The following BFSP2 variants were observed in gnomAD, a reference collection of about 807,000 sequenced individuals.
BFSP2 encodes the protein beaded filament structural protein 2.
Under a neutral mutation model 44.9 loss-of-function variants are expected in BFSP2, and 38 were observed. That is an observed-to-expected ratio of 0.85 (90% CI 0.65 to 1.11). The LOEUF (loss-of-function observed/expected upper bound fraction) is 1.11, where lower values mean the gene tolerates loss of function less well. Ranked by LOEUF, BFSP2 falls within the 50% of genes least tolerant of loss-of-function variation. The pLI is 0.00. For synonymous variants in BFSP2, 197 were observed against 209.9 expected (o/e 0.94, Z 0.53); for missense variants, 525 against 533.0 (o/e 0.99, Z 0.15).
chr3:133,440,255 C>T (rs989132952), intron 1 of BFSP2, among the ~76,000 whole-genome samples: 1 of 152,030 alleles, frequency 6.6e-6, no homozygotes, highest in South Asian at 2.1e-4. Flanking sequence ...TATCTCCCAC[C>T]AGGTCCCTCC....
intron 6 of BFSP2, among the ~76,000 whole-genome samples, chr3:133,473,875 T>TA (rs551752901): frequency 1.7e-4 from 26 of 152,328 alleles, no homozygotes; most frequent in African/African-American, 6.3e-4. Flanking sequence ...TCCTCTCCTT[T>TA]AATCAGTGAA....
chr3:133,441,420 T>A (rs1275753779), intron 1 of BFSP2, among the ~76,000 whole-genome samples: 1 of 152,182 alleles, frequency 6.6e-6, no homozygotes, highest in African/African-American at 2.4e-5. Context: ...GTAACAACTA[T>A]CAGGTTAAAC....
At chr3:133,441,061 G>A (rs531791600) in intron 1 of BFSP2, among the ~76,000 whole-genome samples, 1 of 133,026 alleles carries the variant, frequency 7.5e-6, no homozygotes, top group South Asian at 2.3e-4. Context: ...TTTTTTTTGA[G>A]GGAGTTTTGC....
chr3:133,425,288 T>G (rs1299068225), intron 1 of BFSP2, among the ~76,000 whole-genome samples: 3 of 152,210 alleles, frequency 2.0e-5, no homozygotes, highest in African/African-American at 7.2e-5. Context: ...GGATGAAGTG[T>G]AAACAAATCC....
At chr3:133,411,180 GAAA>G (rs10599643) in intron 1 of BFSP2, among the ~76,000 whole-genome samples, 14,908 of 129,484 alleles carry the variant, frequency 0.12, 834 homozygotes, top group Admixed American at 0.15. Context: ...GTATAACACC[GAAA>G]AAAAAAAAAA....
At chr3:133,460,426 A>T (rs1241747033) in intron 4 of BFSP2, among the ~76,000 whole-genome samples, 1 of 152,126 alleles carries the variant, frequency 6.6e-6, no homozygotes, top group Non-Finnish European at 1.5e-5. Context: ...TTTGGTTTTT[A>T]AAAGATTTTT....
At chr3:133,421,186 A>G (rs1009512868) in intron 1 of BFSP2, among the ~76,000 whole-genome samples, 1 of 152,230 alleles carries the variant, frequency 6.6e-6, no homozygotes. Context: ...TGGTTAAATC[A>G]ACAAATGGAA....
Position 133,425,846 on chromosome 3 carries a change from A to C in BFSP2, c.490-21471A>C, listed in dbSNP as rs549213016. Among the ~76,000 whole-genome samples the C allele has an allele frequency of 1.5e-3, 183 of 125,184 alleles. 1 individual carries two copies. Among genetic ancestry groups the C allele is most frequent in the African/African-American group, 5.5e-3 (168 of 30,322 alleles). 82.1% of individuals were successfully genotyped at this position (125,184 alleles called of 152,430 possible). On this transcript the variant is annotated intron_variant, in intron 1 of 6. Coordinates refer to ENST00000302334, the MANE Select transcript of BFSP2 (RefSeq NM_003571.4). ...ATAAAGAAGGGAAGGGAAATAAAGA[A>C]GGGAAAGGAAGGGAAGGGAAGGGAA...
rs761720118 is a variant in BFSP2 at position 133,448,518 on chromosome 3, C to A, written c.602C>A (p.Ala201Glu). 1.2e-6 allele frequency: 2 copies of A among 1,613,916 alleles called. No individual in the cohort carries two copies. Among genetic ancestry groups the A allele is most frequent in the Non-Finnish European group, 1.7e-6 (2 of 1,179,954 alleles). The change falls in exon 3 of 7, where the codon GCG becomes GAG. Residue 201 changes from alanine to glutamate, a missense_variant. Coordinates refer to ENST00000302334, the MANE Select transcript of BFSP2 (RefSeq NM_003571.4). The stretch of plus-strand genomic sequence containing the variant: ...GAAAATGAGCAGCCATTTCGAAAGG[C>A]GGCAGAAGAGGAAATTAACTCTCTG... Reference protein sequence around the residue: ...RYENEQPFRKAAEEEINSLYK... With the variant: ...RYENEQPFRKEAEEEINSLYK...
At chr3:133,403,566 C>T (rs532210318) in intron 1 of BFSP2, among the ~76,000 whole-genome samples, 10 of 152,328 alleles carry the variant, frequency 6.6e-5, no homozygotes, top group South Asian at 4.1e-4. Flanking sequence ...CTCAATAGCA[C>T]GGTGGGGATG....
intron 1 of BFSP2, chr3:133,412,331 AATG>A (rs757817831): frequency 1.3e-5 from 2 of 152,374 alleles, no homozygotes; most frequent in East Asian, 1.9e-4. Context: ...ATGTAAATGA[AATG>A]ATGTGTGTAA....
intron 4 of BFSP2, among the ~76,000 whole-genome samples, chr3:133,458,311 A>G (rs1416934204): frequency 6.6e-6 from 1 of 152,226 alleles, no homozygotes; most frequent in Non-Finnish European, 1.5e-5. Flanking sequence ...GAAAATCAAG[A>G]ATCAGAGCAG....
At chr3:133,424,669 T>G (rs76784835) in intron 1 of BFSP2, among the ~76,000 whole-genome samples, 5,394 of 152,326 alleles carry the variant, frequency 0.035, 308 homozygotes, top group African/African-American at 0.12. Flanking sequence ...AGAGTCTCAC[T>G]CTGTCACCCA....
At chr3:133,452,370 C>T (rs1000737501) in intron 4 of BFSP2, among the ~76,000 whole-genome samples, 4 of 152,182 alleles carry the variant, frequency 2.6e-5, no homozygotes, top group African/African-American at 7.2e-5. Context: ...AGCTTCCTTT[C>T]TTTCTAACCA....
At chr3:133,442,119 G>A (rs1419990883) in intron 1 of BFSP2, among the ~76,000 whole-genome samples, 4 of 152,162 alleles carry the variant, frequency 2.6e-5, no homozygotes, top group Admixed American at 6.5e-5. Flanking sequence ...CTTCTATAGA[G>A]TTTTGTTTTG....
At chr3:133,424,215 T>TG (rs879693047) in intron 1 of BFSP2, among the ~76,000 whole-genome samples, 3,196 of 79,624 alleles carry the variant, frequency 0.04, 89 homozygotes, top group Non-Finnish European at 0.046. Flanking sequence ...CCAGCTAATT[T>TG]TTTTTTTTTT....
rs1258275212 is a variant in BFSP2 at position 133,429,855 on chromosome 3, T to G, written c.490-17462T>G. ...GTGCCATGTTGGTGTGCTGCACCCA[T>G]TAACTCGTCATTTAGCATTAGGTAT... On this transcript the variant is annotated intron_variant, in intron 1 of 6. Transcript: ENST00000302334. 2.6e-5 allele frequency: 4 copies of G among 151,940 alleles called. No individual in the cohort carries two copies. The East Asian group carries it at 7.7e-4, about 29-fold the overall frequency. The allele number at this position is 151,940 out of a possible 1,614,324, so 9.4% of individuals were successfully genotyped here.
At chr3:133,455,462 T>G (rs1379343770) in intron 4 of BFSP2, 3 of 152,188 alleles carry the variant, frequency 2.0e-5, no homozygotes, top group Non-Finnish European at 4.4e-5. Context: ...GGCTGTTTGC[T>G]CCTTCAGGGC....
At chr3:133,449,197 C>T (rs2073933123) in intron 3 of BFSP2, 1 of 155,622 alleles carries the variant, frequency 6.4e-6, no homozygotes, top group Non-Finnish European at 1.4e-5. Context: ...AGAGTCAAAA[C>T]CCACTTAACG....
Sources: gnomAD v4.1 joint callset for allele counts (sites outside exome capture counted in the v4.1 genomes callset) on GRCh38, gnomAD v4.1.1 for gene constraint, MANE v1.5 for transcripts, NCBI Gene and HGNC (gene_info 2026-07-23, HGNC 2026-07-21) for gene names.